ZDHHC17: variants seen among roughly 807,000 people sequenced by gnomAD.
ZDHHC17 encodes zDHHC palmitoyltransferase 17, also known as palmitoyltransferase ZDHHC17.
ZDHHC17 carries 40 observed loss-of-function variants against 90.3 expected under a neutral mutation model. That is an observed-to-expected ratio of 0.44 (90% CI 0.34 to 0.58). The LOEUF is 0.58. ZDHHC17 is among the 20% of genes least tolerant of loss of function. ZDHHC17 has a pLI of 0.01. For synonymous variants in ZDHHC17, 235 were observed against 252.4 expected (o/e 0.93, Z 0.65); for missense variants, 614 against 780.8 (o/e 0.79, Z 2.55).
At chr12:76,771,841 T>G (rs1219636023) in intron 1 of ZDHHC17, among the ~76,000 whole-genome samples, 3 of 152,094 alleles carry the variant, frequency 2.0e-5, no homozygotes, top group Admixed American at 1.3e-4. Flanking sequence ...GAAACATAGT[T>G]GGGCAAAAAG....
At chr12:76,770,981 A>G (rs1037373474) in intron 1 of ZDHHC17, among the ~76,000 whole-genome samples, 2 of 151,662 alleles carry the variant, frequency 1.3e-5, no homozygotes, top group African/African-American at 4.8e-5. Context: ...CACAACAATT[A>G]CATAATCCGA....
At chr12:76,849,328 A>AAAAAAAAAAAC in intron 15 of ZDHHC17, 48 bp from the exon 16 acceptor site, 1 of 989,856 alleles carries the variant, frequency 1.0e-6, no homozygotes, top group Non-Finnish European at 1.4e-6. Context: ...TGTCTCAAAA[A>AAAAAAAAAAAC]AAAAAAAAAA....
At chr12:76,846,019 G>T (rs989220457) in intron 13 of ZDHHC17, among the ~76,000 whole-genome samples, 1 of 152,096 alleles carries the variant, frequency 6.6e-6, no homozygotes, top group African/African-American at 2.4e-5. Flanking sequence ...GTTCTATCTG[G>T]TGCCTACTCT....
chr12:76,808,894 T>G, intron 3 of ZDHHC17, 149 bp from the exon 4 acceptor site: 1 of 424,570 alleles, frequency 2.4e-6, no homozygotes, highest in Non-Finnish European at 4.0e-6. Flanking sequence ...TAAATATGTT[T>G]TTTAAACAAC....
intron 3 of ZDHHC17, 128 bp downstream of exon 3, chr12:76,805,567 C>T (rs1343009742): frequency 4.5e-6 from 4 of 885,696 alleles, no homozygotes; most frequent in Non-Finnish European, 3.3e-6. Context: ...ATTCTGTGTA[C>T]CTTGTTTTTC....
chr12:76,815,974 C>T lies in ZDHHC17; in HGVS notation c.726C>T (p.Ser242=). ...AVLAGNTTVI[S]LLLEAGANVD... ...TAGCAGGGAATACCACAGTCATTAG[C>T]CTTCTTCTGGAAGCTGGAGCTAATG... Residue 242 remains serine, a synonymous_variant, in exon 7 of 17, where the codon AGC becomes AGT. Coordinates refer to ENST00000426126, the MANE Select transcript of ZDHHC17 (RefSeq NM_015336.4). The T allele has an allele frequency of 6.4e-7, 1 of 1,568,704 alleles. No individual in the cohort carries two copies. Among genetic ancestry groups the T allele is most frequent in the East Asian group, 2.3e-5 (1 of 43,252 alleles).
chr12:76,827,089 T>C, intron 9 of ZDHHC17, 39 bp downstream of exon 9: 1 of 1,512,918 alleles, frequency 6.6e-7, no homozygotes, highest in Non-Finnish European at 8.8e-7. Flanking sequence ...AAACTGTACA[T>C]GAAATAATAT....
rs541717618 is a variant in ZDHHC17, at chr12:76,813,555, A to G, written c.544-1591A>G. 118 of 268,788 alleles carry G rather than the reference A, an allele frequency of 4.4e-4. No individual in the cohort carries two copies. In the Middle Eastern group the frequency reaches 6.4e-3, roughly 14 times the overall value. The allele number at this position is 268,788 out of a possible 1,614,324, so 16.7% of individuals were successfully genotyped here. On this transcript the variant is annotated intron_variant, in intron 5 of 16. Coordinates refer to ENST00000426126, the MANE Select transcript of ZDHHC17 (RefSeq NM_015336.4). ...TGCTTAGATAATGTTCACATTTGAGACATATTCCTATTGCTAACAGTGGCT... is the reference window on the plus strand; with the variant it reads ...TGCTTAGATAATGTTCACATTTGAGGCATATTCCTATTGCTAACAGTGGCT...
intron 10 of ZDHHC17, among the ~76,000 whole-genome samples, chr12:76,836,900 G>A (rs988730833): frequency 1.3e-5 from 2 of 152,090 alleles, no homozygotes; most frequent in Non-Finnish European, 2.9e-5. Context: ...AATATGTAGT[G>A]ACTCATGGTA....
intron 3 of ZDHHC17, among the ~76,000 whole-genome samples, chr12:76,807,832 A>G (rs1952973290): frequency 6.6e-6 from 1 of 152,196 alleles, no homozygotes; most frequent in Non-Finnish European, 1.5e-5. Flanking sequence ...ATAAAATATC[A>G]TTTCCTACGA....
rs71085456 is a variant in ZDHHC17, at chr12:76,795,217, GGT to G, written c.94-2194_94-2193del. Among the ~76,000 whole-genome samples, 52 of 148,308 alleles carry G rather than the reference GGT, an allele frequency of 3.5e-4. 1 individual carries two copies. Among genetic ancestry groups the G allele is most frequent in the South Asian group, 6.4e-4 (3 of 4,678 alleles). ...TTAAAATGTTGATGTTTGGTTCATG[GGT>G]GTGTGTGTGTGTGTGTGTGTGTTTT... On this transcript the variant is annotated intron_variant, in intron 1 of 16. Coordinates refer to ENST00000426126, the MANE Select transcript of ZDHHC17 (RefSeq NM_015336.4).
Position 76,808,464 on chromosome 12 carries a change from T to C in ZDHHC17, c.321-579T>C, listed in dbSNP as rs1952980231. Among the ~76,000 whole-genome samples the C allele has an allele frequency of 2.6e-5, 4 of 151,830 alleles. No individual in the cohort carries two copies. The South Asian group carries it at 8.3e-4, about 31-fold the overall frequency. On this transcript the variant is annotated intron_variant, in intron 3 of 16. Coordinates refer to ENST00000426126, the MANE Select transcript of ZDHHC17 (RefSeq NM_015336.4). ...TGGGCAACATAGTGAGATGCTATCT[T>C]TCTCTCTCTCTCCCCCTCTCTCAAA...
chr12:76,769,528 C>G (rs1252779768), intron 1 of ZDHHC17, among the ~76,000 whole-genome samples: 1 of 151,932 alleles, frequency 6.6e-6, no homozygotes, highest in Non-Finnish European at 1.5e-5. Context: ...GTTTTTCTTC[C>G]CATAGGTTAC....
chr12:76,832,426 G>T lies in ZDHHC17; in HGVS notation c.1141+3936G>T, dbSNP rs183848908. ...GTTTTTCATTATTCACAGTAGTTCTGTGAAGTTGCTGCAAGCACTGAATTA... is the reference window on the plus strand; with the variant it reads ...GTTTTTCATTATTCACAGTAGTTCTTTGAAGTTGCTGCAAGCACTGAATTA... On this transcript the variant is annotated intron_variant, in intron 10 of 16. Transcript: ENST00000426126. Among the ~76,000 whole-genome samples, 357 of 152,322 alleles carry T rather than the reference G, an allele frequency of 2.3e-3. 3 individuals are homozygous for T. The highest frequency in any genetic ancestry group is 8.0e-3 in the African/African-American group (333 of 41,572).
intron 1 of ZDHHC17, among the ~76,000 whole-genome samples, chr12:76,775,243 A>G (rs1437898448): frequency 6.6e-6 from 1 of 152,242 alleles, no homozygotes; most frequent in Admixed American, 6.5e-5. Flanking sequence ...GATAACTTCC[A>G]GTAAGATCAA....
At chr12:76,828,583 A>C in intron 10 of ZDHHC17, 93 bp downstream of exon 10, 2 of 1,021,574 alleles carry the variant, frequency 2.0e-6, no homozygotes, top group South Asian at 1.6e-5. Context: ...TGATCTACTC[A>C]TTCATAATAC....
chr12:76,840,330 T>C (rs1953417807), intron 10 of ZDHHC17: 1 of 151,816 alleles, frequency 6.6e-6, no homozygotes, highest in South Asian at 2.1e-4. Context: ...AGTGTGCCTA[T>C]TTCCATTAAT....
chr12:76,786,508 G>T (rs1466721201), intron 1 of ZDHHC17, among the ~76,000 whole-genome samples: 1 of 151,916 alleles, frequency 6.6e-6, no homozygotes, highest in East Asian at 1.9e-4. Flanking sequence ...CACCCGCCTC[G>T]GCCTCCCAAA....
chr12:76,785,926 A>G (rs1170078429), intron 1 of ZDHHC17, among the ~76,000 whole-genome samples: 1 of 152,082 alleles, frequency 6.6e-6, no homozygotes, highest in Non-Finnish European at 1.5e-5. Context: ...TTACCCTTAT[A>G]TGTATGATTT....
Sources: allele counts gnomAD v4.1 joint callset (sites outside exome capture counted in the v4.1 genomes callset), GRCh38; gene constraint gnomAD v4.1.1; transcripts MANE v1.5; gene names NCBI Gene and HGNC (gene_info 2026-07-23, HGNC 2026-07-21).